PADI1: variants seen among roughly 807,000 people sequenced by gnomAD.
PADI1 encodes protein-arginine deiminase type-1.
In PADI1, 65 loss-of-function variants were observed where a neutral mutation model predicts 74.8. The observed-to-expected ratio is 0.87, with a 90% CI of 0.71 to 1.07. The LOEUF (loss-of-function observed/expected upper bound fraction) is 1.07. Ranked by LOEUF, PADI1 falls within the 50% of genes least tolerant of loss-of-function variation. PADI1 has a pLI of 0.00. For synonymous variants in PADI1, 371 were observed against 336.2 expected (o/e 1.10, Z -1.13); for missense variants, 943 against 854.0 (o/e 1.10, Z -1.30).
At chr1:17,223,499 C>G in intron 2 of PADI1, 122 bp from the exon 3 acceptor site, 1 of 752,260 alleles carries the variant, frequency 1.3e-6, no homozygotes, top group Non-Finnish European at 2.3e-6. Context: ...ACTTCAGAGA[C>G]TGGGGGGGTC....
chr1:17,226,075 C>T lies in PADI1; in HGVS notation c.569C>T (p.Pro190Leu), dbSNP rs745838098. 1.7e-5 allele frequency: 28 copies of T among 1,614,038 alleles called. No individual in the cohort carries two copies. The highest frequency in any genetic ancestry group is 2.3e-5 in the Non-Finnish European group (27 of 1,180,032). Residue 190 changes from proline to leucine, a missense_variant, in exon 6 of 16, where the codon CCC becomes CTC. Pro to Leu is a moderately conservative substitution (Grantham distance 98). Transcript: ENST00000375471. ...MSPMLLSCNG[P>L]DKLFDSHKLV... is the part of the protein sequence containing the mutation. Reference sequence around the variant, plus strand: ...CCAATGCTGCTGAGCTGCAATGGCCCCGACAAGCTCTTCGACAGCCACAAG... The same window carrying T: ...CCAATGCTGCTGAGCTGCAATGGCCTCGACAAGCTCTTCGACAGCCACAAG...
chr1:17,220,213 T>G (rs893633082), intron 1 of PADI1, among the ~76,000 whole-genome samples: 1 of 151,922 alleles, frequency 6.6e-6, no homozygotes, highest in Non-Finnish European at 1.5e-5. Context: ...AAATGGGGAT[T>G]ATAATCTTTG....
At chr1:17,225,092 T>C (rs1450050640) in intron 4 of PADI1, among the ~76,000 whole-genome samples, 1 of 151,930 alleles carries the variant, frequency 6.6e-6, no homozygotes, top group African/African-American at 2.4e-5. Context: ...TGCTGCAGAG[T>C]GGCATCTACC....
In PADI1 at chr1:17,225,869, G is replaced by T. The variant is rs367908904; in HGVS notation, c.467G>T (p.Arg156Leu). ...GCTATCTTGCTGGTGAACTGTGACC[G>T]GGACAATCACAGGTCCGCAGAGCCT... ...YGAILLVNCD[R>L]DNHRSAEPDL... Residue 156 changes from arginine to leucine, a missense_variant, in exon 5 of 16, where the codon CGG (arginine) becomes CTG (leucine). Physicochemically the swap from Arg to Leu is moderately radical, Grantham distance 102 (BLOSUM62 -2). Coordinates refer to ENST00000375471, the MANE Select transcript of PADI1 (RefSeq NM_013358.3). The T allele has an allele frequency of 1.2e-6, 2 of 1,614,124 alleles. No individual in the cohort carries two copies. Among genetic ancestry groups the T allele is most frequent in the South Asian group, 2.2e-5 (2 of 91,074 alleles).
At chr1:17,242,509 C>A (rs3003418) in intron 15 of PADI1, among the ~76,000 whole-genome samples, 3 of 151,950 alleles carry the variant, frequency 2.0e-5, no homozygotes, top group Non-Finnish European at 2.9e-5. Context: ...CTGAAGGTGG[C>A]GGGGAGGGCC....
chr1:17,230,238 G>A (rs1377837436), intron 9 of PADI1, 30 bp downstream of exon 9: 2 of 1,604,170 alleles, frequency 1.2e-6, no homozygotes, highest in East Asian at 2.2e-5. Context: ...CGGGAAGCCT[G>A]CAGCCTGGCT....
At position 17,215,545 on chromosome 1, in the gene PADI1, G is replaced by T. The variant is rs372737413; in HGVS notation, c.93-6745G>T. Among the ~76,000 whole-genome samples, 7 of 152,182 alleles carry T rather than the reference G, an allele frequency of 4.6e-5. No individual in the cohort carries two copies. The East Asian group carries it at 1.2e-3, about 25-fold the overall frequency. ...TGTGTCTGGCACCGGTGGTCCCTGA[G>T]TGGGGTGGAGCAGGAGTCACCCATG... On this transcript the variant is annotated intron_variant, in intron 1 of 15. Coordinates refer to ENST00000375471, the MANE Select transcript of PADI1 (RefSeq NM_013358.3).
In PADI1 at chr1:17,230,086, G is replaced by A; in HGVS notation, c.931G>A (p.Val311Met). 1.9e-6 allele frequency: 3 copies of A among 1,613,628 alleles called. No individual in the cohort carries two copies. Among genetic ancestry groups the A allele is most frequent in the Non-Finnish European group, 2.5e-6 (3 of 1,179,684 alleles). ...QPPEELYVCRVMDTHGSNEKF... is the reference protein window; with the variant it reads ...QPPEELYVCRMMDTHGSNEKF... ...CTCCCCTCTCCCTACCTTTTACAGA[G>A]TGATGGACACTCATGGCTCCAATGA... is the stretch of plus-strand genomic sequence containing the variant. Residue 311 changes from valine to methionine, a missense_variant and splice_region_variant, in exon 9 of 16, where the codon GTG (valine) becomes ATG (methionine). Transcript: ENST00000375471.
chr1:17,239,674 G>T, intron 13 of PADI1, 30 bp from the exon 14 acceptor site: 1 of 1,565,894 alleles, frequency 6.4e-7, no homozygotes. Flanking sequence ...AGTGCTCCCT[G>T]AGCTATGTAC....
At chr1:17,240,557 G>T in intron 14 of PADI1, 78 bp from the exon 15 acceptor site, 4 of 1,523,566 alleles carry the variant, frequency 2.6e-6, no homozygotes, top group Admixed American at 1.8e-5. Flanking sequence ...GGCTCCACAC[G>T]GGCCCAGCGC....
chr1:17,227,651 G>A (rs981980847), intron 6 of PADI1, among the ~76,000 whole-genome samples: 1 of 152,064 alleles, frequency 6.6e-6, no homozygotes, highest in Non-Finnish European at 1.5e-5. Flanking sequence ...ACCCCTTCCC[G>A]ATTCCCCTTC....
intron 1 of PADI1, among the ~76,000 whole-genome samples, chr1:17,207,146 T>A (rs1017365355): frequency 4.6e-5 from 7 of 152,230 alleles, no homozygotes; most frequent in African/African-American, 1.7e-4. Flanking sequence ...AACCTCTGGC[T>A]CTACACTGTG....
chr1:17,231,775 G>A (rs925205758), intron 10 of PADI1, among the ~76,000 whole-genome samples: 2 of 151,318 alleles, frequency 1.3e-5, no homozygotes, highest in African/African-American at 4.9e-5. Flanking sequence ...TTATTTATAT[G>A]TATATATATA....
At chr1:17,223,240 A>G (rs2100450884) in intron 2 of PADI1, among the ~76,000 whole-genome samples, 1 of 152,286 alleles carries the variant, frequency 6.6e-6, no homozygotes, top group African/African-American at 2.4e-5. Flanking sequence ...GGGGGTTCTC[A>G]TTCCCATCTT....
chr1:17,237,493 G>T, intron 12 of PADI1, 35 bp downstream of exon 12: 1 of 1,577,772 alleles, frequency 6.3e-7, no homozygotes, highest in Non-Finnish European at 8.6e-7. Flanking sequence ...AGCCACCTCT[G>T]CCCTTGTCTG....
intron 1 of PADI1, among the ~76,000 whole-genome samples, chr1:17,214,337 T>C (rs2071916152): frequency 1.3e-5 from 2 of 152,090 alleles, no homozygotes; most frequent in South Asian, 2.1e-4. Flanking sequence ...AAGACCCCCC[T>C]GCCCCCCGCC....
chr1:17,224,385 A>G lies in PADI1; in HGVS notation c.365A>G (p.Asp122Gly), dbSNP rs914293015. Residue 122 changes from aspartate to glycine, a missense_variant, in exon 4 of 16, where the codon GAC becomes GGC. Asp to Gly is a moderately conservative substitution (Grantham distance 94). Coordinates refer to ENST00000375471, the MANE Select transcript of PADI1 (RefSeq NM_013358.3). ...TTTGCAGATATTTCCCTTGAGGTTG[A>G]CACAGGCCGCACAGGCAAGGTGAAG... ...LTGVDISLEVDTGRTGKVKRS... is the reference protein window; with the variant it reads ...LTGVDISLEVGTGRTGKVKRS... 1 of 1,613,950 alleles carries G rather than the reference A, an allele frequency of 6.2e-7. No homozygotes were observed. The highest frequency in any genetic ancestry group is 8.5e-7 in the Non-Finnish European group (1 of 1,179,910).
intron 14 of PADI1, 50 bp downstream of exon 14, chr1:17,239,833 G>C (rs1304391419): frequency 1.4e-6 from 2 of 1,448,618 alleles, no homozygotes; most frequent in Non-Finnish European, 1.9e-6. Flanking sequence ...CCCTTCCAGG[G>C]AGAAGAAGCC....
chr1:17,219,848 T>C (rs574638137), intron 1 of PADI1, among the ~76,000 whole-genome samples: 2 of 152,144 alleles, frequency 1.3e-5, no homozygotes, highest in East Asian at 1.9e-4. Context: ...ACCAGGGAGA[T>C]GGCTGAAGGG....
Sources: allele counts gnomAD v4.1 joint callset (sites outside exome capture counted in the v4.1 genomes callset), GRCh38; gene constraint gnomAD v4.1.1; transcripts MANE v1.5; gene names NCBI Gene and HGNC (gene_info 2026-07-23, HGNC 2026-07-21).